FRMD4A: variants seen among roughly 807,000 people sequenced by gnomAD.
The protein encoded by FRMD4A is FERM domain-containing protein 4A.
Under a neutral mutation model 129.1 loss-of-function variants are expected in FRMD4A, and 29 were observed. The ratio of observed to expected loss-of-function variants is 0.22; its 90% CI spans 0.17 to 0.31. The LOEUF (loss-of-function observed/expected upper bound fraction) is 0.31. Among genes scored for constraint, FRMD4A ranks in the 10% least tolerant of loss-of-function variants. The pLI is 1.00. For missense variants in FRMD4A, 1,272 were observed against 1,375.8 expected, an observed-to-expected ratio of 0.92 and a Z score of 1.19; for synonymous variants, 634 against 571.6, an observed-to-expected ratio of 1.11 and a Z score of -1.56.
intron 2 of FRMD4A, among the ~76,000 whole-genome samples, chr10:14,204,422 T>TCA (rs978122587): frequency 2.0e-5 from 3 of 149,658 alleles, no homozygotes; most frequent in African/African-American, 7.4e-5. Flanking sequence ...TGAGACGCAG[T>TCA]CAAAAAAAAA....
chr10:13,738,841 A>G (rs2090813043), intron 11 of FRMD4A, among the ~76,000 whole-genome samples: 1 of 152,062 alleles, frequency 6.6e-6, no homozygotes, highest in Admixed American at 6.6e-5. Flanking sequence ...GGCTGGTCTC[A>G]AACTCCTGAC....
At chr10:14,300,074 T>C (rs961924290) in intron 2 of FRMD4A, among the ~76,000 whole-genome samples, 4 of 151,542 alleles carry the variant, frequency 2.6e-5, no homozygotes, top group African/African-American at 9.7e-5. Flanking sequence ...AACTAGAACT[T>C]TTATACCTTC....
intron 2 of FRMD4A, among the ~76,000 whole-genome samples, chr10:14,045,712 TATC>T (rs1833962512): frequency 1.4e-5 from 2 of 146,274 alleles, no homozygotes; most frequent in African/African-American, 5.0e-5. Flanking sequence ...TTATAATATT[TATC>T]ATATTATATT....
At chr10:13,650,382 G>A (rs528672316) in intron 24 of FRMD4A, among the ~76,000 whole-genome samples, 1 of 152,244 alleles carries the variant, frequency 6.6e-6, no homozygotes, top group Admixed American at 6.5e-5. Context: ...TAATGTATGT[G>A]TGTCCCTGCA....
At chr10:13,932,326 C>T (rs539473328) in intron 2 of FRMD4A, among the ~76,000 whole-genome samples, 19 of 152,314 alleles carry the variant, frequency 1.2e-4, no homozygotes, top group Admixed American at 4.6e-4. Context: ...CTCTCTGTGG[C>T]TTTTCTTCTT....
intron 2 of FRMD4A, among the ~76,000 whole-genome samples, chr10:14,185,444 G>T (rs1231063380): frequency 6.6e-6 from 1 of 152,250 alleles, no homozygotes; most frequent in South Asian, 2.1e-4. Context: ...AGATGAGGAT[G>T]TCGTGGCAGA....
chr10:13,753,577 C>T (rs1480804292), intron 8 of FRMD4A, among the ~76,000 whole-genome samples: 3 of 134,116 alleles, frequency 2.2e-5, no homozygotes, highest in African/African-American at 8.3e-5. Context: ...CAGGGTCTCG[C>T]TTTGTTGCCC....
At chr10:14,176,542 T>C (rs1841735666) in intron 2 of FRMD4A, among the ~76,000 whole-genome samples, 1 of 135,580 alleles carries the variant, frequency 7.4e-6, no homozygotes, top group Non-Finnish European at 1.5e-5. Flanking sequence ...TGGCGCAATC[T>C]CAGCTCACTG....
chr10:14,292,213 G>A (rs1369371482), intron 2 of FRMD4A, among the ~76,000 whole-genome samples: 1 of 152,228 alleles, frequency 6.6e-6, no homozygotes, highest in African/African-American at 2.4e-5. Flanking sequence ...AACATAACTT[G>A]GAAGGAGGAT....
chr10:14,145,262 A>G (rs552723487), intron 2 of FRMD4A, among the ~76,000 whole-genome samples: 1 of 152,352 alleles, frequency 6.6e-6, no homozygotes, highest in African/African-American at 2.4e-5. Flanking sequence ...TTACTGAATC[A>G]CTTTGGAAGA....
At chr10:14,071,510 T>C (rs1240010522) in intron 2 of FRMD4A, among the ~76,000 whole-genome samples, 2 of 152,196 alleles carry the variant, frequency 1.3e-5, no homozygotes, top group Non-Finnish European at 1.5e-5. Context: ...ACTCAGTAAT[T>C]TTCCATCATC....
At chr10:13,870,158 G>A (rs1005105396) in intron 2 of FRMD4A, among the ~76,000 whole-genome samples, 1 of 152,242 alleles carries the variant, frequency 6.6e-6, no homozygotes, top group East Asian at 1.9e-4. Flanking sequence ...GGGTGGCAGA[G>A]AGCAGCCCTT....
At chr10:13,882,534 C>T (rs1381023628) in intron 2 of FRMD4A, among the ~76,000 whole-genome samples, 2 of 152,168 alleles carry the variant, frequency 1.3e-5, no homozygotes, top group African/African-American at 4.8e-5. Flanking sequence ...AGTGAGGCTG[C>T]TTTGGGGAAT....
chr10:14,323,256 T>A lies in FRMD4A; in HGVS notation c.45+6802A>T, dbSNP rs74831874. Among the ~76,000 whole-genome samples the A allele has an allele frequency of 9.0e-3, 1,378 of 152,348 alleles. 19 individuals are homozygous for A. Among genetic ancestry groups the A allele is most frequent in the African/African-American group, 0.032 (1,313 of 41,572 alleles). ...AATTCAGGTAGACAATCATTTCATA[T>A]CTTTTTAAGACAAAGGAAGGGACTA... On this transcript the variant is annotated intron_variant, in intron 2 of 24. Transcript: ENST00000357447.
At chr10:13,987,058 TCAGATCTCA>T (rs1420619289) in intron 2 of FRMD4A, among the ~76,000 whole-genome samples, 2 of 152,180 alleles carry the variant, frequency 1.3e-5, no homozygotes, top group East Asian at 1.9e-4. Context: ...ATCTAGGCCC[TCAGATCTCA>T]CAGATCTCAT....
At chr10:13,853,504 C>T (rs2094167685) in intron 3 of FRMD4A, among the ~76,000 whole-genome samples, 1 of 152,062 alleles carries the variant, frequency 6.6e-6, no homozygotes, top group Non-Finnish European at 1.5e-5. Flanking sequence ...CACCACTGCA[C>T]CACAGCTGGT....
chr10:13,688,474 A>C (rs147159485), intron 15 of FRMD4A, among the ~76,000 whole-genome samples: 1 of 152,120 alleles, frequency 6.6e-6, no homozygotes, highest in African/African-American at 2.4e-5. Context: ...CAGCACACCA[A>C]CATGGCACAT....
intron 2 of FRMD4A, among the ~76,000 whole-genome samples, chr10:14,143,634 G>C (rs932307755): frequency 6.6e-6 from 1 of 152,154 alleles, no homozygotes; most frequent in African/African-American, 2.4e-5. Flanking sequence ...TTGTTTCTGA[G>C]ACAAGAGTCT....
chr10:14,105,907 A>G (rs1311572781), intron 2 of FRMD4A, among the ~76,000 whole-genome samples: 1 of 152,152 alleles, frequency 6.6e-6, no homozygotes, highest in African/African-American at 2.4e-5. Context: ...GCAAGACTAC[A>G]TTATCAGTGG....
Sources: gnomAD v4.1 joint callset for allele counts (sites outside exome capture counted in the v4.1 genomes callset) on GRCh38, gnomAD v4.1.1 for gene constraint, MANE v1.5 for transcripts, NCBI Gene and HGNC (gene_info 2026-07-23, HGNC 2026-07-21) for gene names.